The following IGSF11 variants were observed in gnomAD, a reference collection of about 807,000 sequenced individuals.
The protein encoded by IGSF11 is CXADR like 1.
A neutral mutation model predicts 41.0 loss-of-function variants in IGSF11; 22 were observed. The ratio of observed to expected loss-of-function variants is 0.54; its 90% CI spans 0.38 to 0.77. The LOEUF is 0.77. Ranked by LOEUF, IGSF11 falls within the 30% of genes least tolerant of loss-of-function variation. The pLI, the probability that IGSF11 is intolerant of heterozygous loss-of-function variation, is 0.00. For missense variants in IGSF11, 444 were observed against 530.8 expected, an observed-to-expected ratio of 0.84 and a Z score of 1.61; for synonymous variants, 219 against 201.3, an observed-to-expected ratio of 1.09 and a Z score of -0.74.
chr3:118,962,745 C>T (rs1390332597), intron 1 of IGSF11, among the ~76,000 whole-genome samples: 1 of 151,998 alleles, frequency 6.6e-6, no homozygotes, highest in East Asian at 1.9e-4. Context: ...GGCTAGAATT[C>T]TGTGGGCATA....
chr3:118,996,592 GTT>G (rs1220412474), intron 1 of IGSF11, among the ~76,000 whole-genome samples: 1 of 147,686 alleles, frequency 6.8e-6, no homozygotes, highest in African/African-American at 2.5e-5. Flanking sequence ...AACATGTCTT[GTT>G]TTTTTTTTGT....
At chr3:118,923,420 T>C (rs571562928) in intron 4 of IGSF11, among the ~76,000 whole-genome samples, 2 of 152,342 alleles carry the variant, frequency 1.3e-5, no homozygotes, top group East Asian at 3.9e-4. Flanking sequence ...TTTTATGTAA[T>C]GACAGTACAC....
chr3:119,011,875 C>T (rs1401914731), intron 1 of IGSF11, among the ~76,000 whole-genome samples: 1 of 152,022 alleles, frequency 6.6e-6, no homozygotes, highest in Non-Finnish European at 1.5e-5. Context: ...AATTAATCCT[C>T]TAAAAAAAGG....
At chr3:119,138,209 C>T (rs1453871013) in intron 1 of IGSF11, among the ~76,000 whole-genome samples, 2 of 151,652 alleles carry the variant, frequency 1.3e-5, no homozygotes, top group Non-Finnish European at 2.9e-5. Flanking sequence ...TCCACAATCC[C>T]ACTGTTGGGT....
intron 1 of IGSF11, among the ~76,000 whole-genome samples, chr3:118,935,393 CACAT>C (rs10575507): frequency 0.058 from 6,700 of 116,082 alleles, 221 homozygotes; most frequent in African/African-American, 0.11. Context: ...CACACACACA[CACAT>C]ACACACACAC....
At chr3:119,045,255 GC>G (rs1289604130) in intron 1 of IGSF11, among the ~76,000 whole-genome samples, 1 of 152,306 alleles carries the variant, frequency 6.6e-6, no homozygotes, top group East Asian at 1.9e-4. Flanking sequence ...ACTAGGGAGC[GC>G]CAGACAGTGG....
At chr3:119,046,381 A>G (rs1370410279) in intron 1 of IGSF11, among the ~76,000 whole-genome samples, 1 of 152,212 alleles carries the variant, frequency 6.6e-6, no homozygotes, top group African/African-American at 2.4e-5. Context: ...ATCAACTGGA[A>G]GAAAGGGTAT....
intron 1 of IGSF11, among the ~76,000 whole-genome samples, chr3:119,144,121 G>A (rs2077687135): frequency 1.3e-5 from 2 of 151,740 alleles, no homozygotes; most frequent in Middle Eastern, 6.8e-3. Context: ...GCACAATCAT[G>A]GCTCAGACAG....
chr3:118,916,539 T>C (rs1476708487), intron 4 of IGSF11, among the ~76,000 whole-genome samples: 7 of 151,386 alleles, frequency 4.6e-5, no homozygotes, highest in Non-Finnish European at 8.8e-5. Flanking sequence ...AAGGGATCAA[T>C]TCAACAAGAG....
intron 4 of IGSF11, among the ~76,000 whole-genome samples, chr3:118,920,118 G>T (rs1190232657): frequency 1.7e-5 from 2 of 119,448 alleles, no homozygotes; most frequent in East Asian, 2.8e-4. Context: ...GGTGGGGTGG[G>T]GGGAGGGGGG....
intron 1 of IGSF11, among the ~76,000 whole-genome samples, chr3:119,136,480 G>T (rs1174327132): frequency 6.6e-6 from 1 of 152,010 alleles, no homozygotes; most frequent in Non-Finnish European, 1.5e-5. Context: ...GGATGGAAAA[G>T]GATATTCCAT....
At chr3:119,043,628 G>A (rs1393420919) in intron 1 of IGSF11, among the ~76,000 whole-genome samples, 3 of 152,116 alleles carry the variant, frequency 2.0e-5, no homozygotes, top group African/African-American at 7.2e-5. Flanking sequence ...GCAAAAAACT[G>A]CAACCAAGGA....
At chr3:118,957,466 TTG>T (rs1945043369) in intron 1 of IGSF11, among the ~76,000 whole-genome samples, 1 of 152,206 alleles carries the variant, frequency 6.6e-6, no homozygotes, top group Non-Finnish European at 1.5e-5. Flanking sequence ...TTCTGGCAAA[TTG>T]TGTCTTTTAA....
chr3:119,044,778 C>A (rs1332006035), intron 1 of IGSF11, among the ~76,000 whole-genome samples: 1 of 152,106 alleles, frequency 6.6e-6, no homozygotes, highest in Non-Finnish European at 1.5e-5. Context: ...TAATTATCAG[C>A]CTAGAATTTT....
At chr3:119,102,936 C>T (rs148813515) in intron 1 of IGSF11, among the ~76,000 whole-genome samples, 1 of 151,722 alleles carries the variant, frequency 6.6e-6, no homozygotes, top group African/African-American at 2.4e-5. Context: ...TTCATATTTA[C>T]AGAAGGAGTG....
intron 1 of IGSF11, among the ~76,000 whole-genome samples, chr3:118,986,247 A>G (rs76773726): frequency 0.024 from 3,684 of 152,240 alleles, 82 homozygotes; most frequent in East Asian, 0.065. Flanking sequence ...CCTTACGTGC[A>G]GAGGAACCAG....
At chr3:119,044,965 C>T (rs1189197170) in intron 1 of IGSF11, among the ~76,000 whole-genome samples, 1 of 152,110 alleles carries the variant, frequency 6.6e-6, no homozygotes, top group Non-Finnish European at 1.5e-5. Context: ...AAGCACAAAT[C>T]TCACAGGACC....
At chr3:119,052,529 G>T (rs1941669351) in intron 1 of IGSF11, among the ~76,000 whole-genome samples, 1 of 151,944 alleles carries the variant, frequency 6.6e-6, no homozygotes, top group Non-Finnish European at 1.5e-5. Flanking sequence ...AAAAAGTCCA[G>T]GACCAGATGG....
At chr3:119,093,119 T>C (rs1479914468) in intron 1 of IGSF11, among the ~76,000 whole-genome samples, 4 of 152,140 alleles carry the variant, frequency 2.6e-5, no homozygotes, top group Non-Finnish European at 1.5e-5. Flanking sequence ...CACAAAAAAA[T>C]AAACACAAAG....
Sources: gnomAD v4.1 joint callset for allele counts (sites outside exome capture counted in the v4.1 genomes callset) on GRCh38, gnomAD v4.1.1 for gene constraint, MANE v1.5 for transcripts, NCBI Gene and HGNC (gene_info 2026-07-23, HGNC 2026-07-21) for gene names.